Variants in EPS8L2 observed in about 807,000 individuals in gnomAD.
EPS8L2 encodes the protein epidermal growth factor receptor kinase substrate 8-like protein 2.
In EPS8L2, 81 loss-of-function variants were observed where a neutral mutation model predicts 99.4. The ratio of observed to expected loss-of-function variants is 0.82; its 90% CI spans 0.68 to 0.98. EPS8L2 has a LOEUF of 0.98. Ranked by LOEUF, EPS8L2 falls within the 50% of genes least tolerant of loss-of-function variation. EPS8L2 has a pLI of 0.00. For synonymous variants in EPS8L2, 509 were observed against 407.3 expected (o/e 1.25, Z -3.01); for missense variants, 1,155 against 968.8 (o/e 1.19, Z -2.55).
At position 721,936 on chromosome 11, in the gene EPS8L2, C is replaced by A; in HGVS notation, c.929C>A (p.Ser310Tyr). 1 of 1,599,090 alleles carries A rather than the reference C, an allele frequency of 6.3e-7. No individual in the cohort carries two copies. The highest frequency in any genetic ancestry group is 8.5e-7 in the Non-Finnish European group (1 of 1,173,316). The stretch of plus-strand genomic sequence containing the variant: ...CTCACACTGCGGGCACGGCCCCCCT[C>A]TGAGGGCGAGTTCATCGACTGCTTC... ...GVLTLRARPP[S>Y]EGEFIDCFQK... Residue 310 changes from serine to tyrosine, a missense_variant, in exon 11 of 21, where the codon TCT (serine) becomes TAT (tyrosine). Ser to Tyr is a moderately radical substitution (Grantham distance 144). Coordinates refer to ENST00000318562, the MANE Select transcript of EPS8L2 (RefSeq NM_022772.4).
At chr11:720,032 G>A in intron 4 of EPS8L2, 30 bp from the exon 5 acceptor site, 1 of 1,595,044 alleles carries the variant, frequency 6.3e-7, no homozygotes, top group South Asian at 1.1e-5. Context: ...GGAGGGCTCT[G>A]CCCAGCAGTG....
rs769999813 is a variant in EPS8L2 at position 709,456 on chromosome 11, G to A, written c.44+5G>A. 41 of 1,588,564 alleles carry A rather than the reference G, an allele frequency of 2.6e-5. No homozygotes were observed. The highest frequency in any genetic ancestry group is 3.5e-5 in the Non-Finnish European group (41 of 1,164,928). On this transcript the variant is annotated splice_donor_5th_base_variant and intron_variant, in intron 2 of 20. Transcript: ENST00000318562. The stretch of plus-strand genomic sequence containing the variant: ...CTGCTGCCCGGGTGCCACCAAGTGA[G>A]CCCTCCCACCCATCCCGAATACCCC...
intron 4 of EPS8L2, among the ~76,000 whole-genome samples, chr11:719,585 CG>C (rs1862102786): frequency 1.3e-5 from 2 of 152,226 alleles, no homozygotes; most frequent in African/African-American, 4.8e-5. Context: ...AAGTGGCAAC[CG>C]GAACAGTGCC....
intron 4 of EPS8L2, among the ~76,000 whole-genome samples, chr11:712,387 TGGGTGCG>T (rs1861914572): frequency 7.0e-6 from 1 of 142,696 alleles, no homozygotes; most frequent in South Asian, 2.2e-4. Flanking sequence ...GGTCCAAGCC[TGGGTGCG>T]AGCTGGGCTC....
chr11:725,543 G>T (rs956045244), intron 16 of EPS8L2, among the ~76,000 whole-genome samples, 185 bp from the exon 17 acceptor site: 2 of 152,168 alleles, frequency 1.3e-5, no homozygotes, highest in African/African-American at 4.8e-5. Flanking sequence ...ACTCCTTGAG[G>T]CAGGGTGGGG....
chr11:712,516 G>T (rs1861919408), intron 4 of EPS8L2, among the ~76,000 whole-genome samples: 1 of 152,174 alleles, frequency 6.6e-6, no homozygotes, highest in African/African-American at 2.4e-5. Flanking sequence ...TGGGCTTCCG[G>T]TTGTGGTCCA....
chr11:707,164 C>T (rs373448386), intron 1 of EPS8L2, among the ~76,000 whole-genome samples: 1 of 151,922 alleles, frequency 6.6e-6, no homozygotes, highest in East Asian at 1.9e-4. Flanking sequence ...CCCAGCCTCT[C>T]CCGGGCCTGC....
rs1233495582 is a variant in EPS8L2 at position 726,125 on chromosome 11, A to G, written c.1708A>G (p.Ser570Gly). ...QAGQKYWGPA[S>G]PTHKLPPSFP... The stretch of plus-strand genomic sequence containing the variant: ...CGGTCAGAAGTACTGGGGCCCCGCC[A>G]GCCCGACCCACAAGCTACCCCCAAG... Residue 570 changes from serine to glycine, a missense_variant, in exon 18 of 21, where the codon AGC becomes GGC. Physicochemically the swap from Ser to Gly is moderately conservative, Grantham distance 56 (BLOSUM62 0). Transcript: ENST00000318562. 5.0e-6 allele frequency: 8 copies of G among 1,607,262 alleles called. No individual in the cohort carries two copies. Among genetic ancestry groups the G allele is most frequent in the Non-Finnish European group, 6.8e-6 (8 of 1,177,438 alleles).
intron 3 of EPS8L2, 191 bp from the exon 4 acceptor site, chr11:710,231 G>C (rs1456303274): frequency 1.7e-6 from 1 of 593,324 alleles, no homozygotes; most frequent in African/African-American, 1.9e-5. Flanking sequence ...CTCCAAGGGG[G>C]CTTCCCTGGA....
At chr11:720,983 CA>C in intron 7 of EPS8L2, 74 bp downstream of exon 7, 2 of 1,367,614 alleles carry the variant, frequency 1.5e-6, no homozygotes, top group Non-Finnish European at 2.0e-6. Context: ...GAGGAGCCGG[CA>C]GGGGAGGGGA....
chr11:710,707 C>T (rs1861864308), intron 4 of EPS8L2, among the ~76,000 whole-genome samples: 1 of 152,166 alleles, frequency 6.6e-6, no homozygotes, highest in Admixed American at 6.5e-5. Context: ...CCAGCCTGGG[C>T]ACCTGGGTGA....
intron 1 of EPS8L2, among the ~76,000 whole-genome samples, chr11:707,025 G>C (rs76431003): frequency 6.6e-6 from 1 of 151,614 alleles, no homozygotes; most frequent in Admixed American, 6.6e-5. Context: ...AGGCAGGGCC[G>C]GGCATGCCCG....
chr11:709,168 G>T (rs1257365560), intron 1 of EPS8L2, 162 bp from the exon 2 acceptor site: 16 of 574,402 alleles, frequency 2.8e-5, no homozygotes, highest in Non-Finnish European at 4.6e-5. Context: ...ACTGGGACGT[G>T]GGGCCAACTG....
intron 4 of EPS8L2, among the ~76,000 whole-genome samples, chr11:711,738 C>T (rs1861894753): frequency 6.6e-6 from 1 of 152,088 alleles, no homozygotes; most frequent in African/African-American, 2.4e-5. Flanking sequence ...AATCCCAGCA[C>T]TTTGGGAGGC....
intron 4 of EPS8L2, among the ~76,000 whole-genome samples, chr11:717,334 G>A (rs1425347370): frequency 1.3e-5 from 2 of 152,152 alleles, no homozygotes; most frequent in Non-Finnish European, 2.9e-5. Flanking sequence ...TGGACATGTA[G>A]GCTGGGTCCA....
At position 727,083 on chromosome 11, in the gene EPS8L2, G is replaced by A. The variant is rs749867707; in HGVS notation, c.*102G>A. The A allele has an allele frequency of 3.8e-5, 32 of 852,334 alleles. No homozygotes were observed. The highest frequency in any genetic ancestry group is 4.8e-5 in the Non-Finnish European group (26 of 536,480). The allele number at this position is 852,334 out of a possible 1,614,324, so 52.8% of individuals were successfully genotyped here. A position where few individuals can be genotyped will look rare whatever the true frequency, so the allele number is the denominator to read the frequency against. On this transcript the variant is annotated 3_prime_UTR_variant, in exon 21 of 21. Transcript: ENST00000318562. ...TGTATTTTGTATCAAGGACACGGAG[G>A]GGGTGTGGTGCTGGCTAGAGGTCCC...
chr11:721,693 T>C lies in EPS8L2; in HGVS notation c.895+2T>C. The C allele has an allele frequency of 6.3e-7, 1 of 1,596,040 alleles. No individual in the cohort carries two copies. ...AGAAGGGCAAGAAGGCGCCAGCAGG[T>C]GCAGGGGACAGGGACGGGGCCGGCA... On this transcript the variant is annotated splice_donor_variant, in intron 10 of 20. Coordinates refer to ENST00000318562, the MANE Select transcript of EPS8L2 (RefSeq NM_022772.4). LOFTEE classifies it high-confidence loss of function.
Position 721,062 on chromosome 11 carries a change from A to G in EPS8L2, c.558-2A>G. 7.0e-7 allele frequency: 1 copy of G among 1,421,398 alleles called. No individual in the cohort carries two copies. Among genetic ancestry groups the G allele is most frequent in the East Asian group, 2.5e-5 (1 of 40,760 alleles). The allele number at this position is 1,421,398 out of a possible 1,614,324, so 88.0% of individuals were successfully genotyped here. On this transcript the variant is annotated splice_acceptor_variant, in intron 7 of 20. Coordinates refer to ENST00000318562, the MANE Select transcript of EPS8L2 (RefSeq NM_022772.4). LOFTEE classifies it high-confidence loss of function. ...GCTGAGCAGGACCCCCTCGCCCTCC[A>G]GGGGACACCAGGAGAAGATTCGGCA...
At chr11:726,594 C>T in intron 19 of EPS8L2, 25 bp from the exon 20 acceptor site, 13 of 1,538,920 alleles carry the variant, frequency 8.4e-6, no homozygotes, top group Non-Finnish European at 1.1e-5. Flanking sequence ...CAGCGCGGCC[C>T]TGACGCCCAA....
Sources: allele counts gnomAD v4.1 joint callset (sites outside exome capture counted in the v4.1 genomes callset), GRCh38; gene constraint gnomAD v4.1.1; transcripts MANE v1.5; gene names NCBI Gene and HGNC (gene_info 2026-07-23, HGNC 2026-07-21).